Variants in COG5 observed in about 807,000 individuals in gnomAD.
The protein encoded by COG5 is conserved oligomeric Golgi complex subunit 5.
In COG5, 86 loss-of-function variants were observed where a neutral mutation model predicts 110.4. The observed-to-expected ratio is 0.78, with a 90% CI of 0.65 to 0.93. The LOEUF is 0.93. COG5 is among the 40% of genes least tolerant of loss of function. The pLI is 0.00. For synonymous variants in COG5, 360 were observed against 334.6 expected (o/e 1.08, Z -0.83); for missense variants, 1,077 against 987.0 (o/e 1.09, Z -1.22).
At chr7:107,257,819 A>G (rs1802996516) in intron 15 of COG5, among the ~76,000 whole-genome samples, 1 of 152,200 alleles carries the variant, frequency 6.6e-6, no homozygotes, top group African/African-American at 2.4e-5. Flanking sequence ...CAGTGATTAT[A>G]TCATAAAAAT....
At chr7:107,318,408 G>A (rs1449922996) in intron 11 of COG5, among the ~76,000 whole-genome samples, 1 of 152,156 alleles carries the variant, frequency 6.6e-6, no homozygotes, top group Non-Finnish European at 1.5e-5. Flanking sequence ...CTCATTTAAA[G>A]AAAGAAAATA....
At chr7:107,441,430 T>G (rs1443117935) in intron 6 of COG5, among the ~76,000 whole-genome samples, 2 of 152,154 alleles carry the variant, frequency 1.3e-5, no homozygotes, top group Non-Finnish European at 2.9e-5. Context: ...CATTCTTTGT[T>G]TTTGTCGTTT....
chr7:107,213,806 G>A (rs1044854942), intron 19 of COG5, among the ~76,000 whole-genome samples: 8 of 152,170 alleles, frequency 5.3e-5, no homozygotes, highest in African/African-American at 1.9e-4. Flanking sequence ...GGATGGAAGA[G>A]GTGGCTGTCT....
intron 14 of COG5, 50 bp from the exon 15 acceptor site, chr7:107,258,433 CT>C (rs770288939): frequency 1.1e-6 from 1 of 907,072 alleles, no homozygotes; most frequent in African/African-American, 1.6e-5. Context: ...AATTCTCTCT[CT>C]CTCTCTCTCT....
intron 6 of COG5, among the ~76,000 whole-genome samples, chr7:107,465,863 T>C (rs8180747): frequency 0.13 from 19,118 of 152,110 alleles, 1,510 homozygotes; most frequent in Non-Finnish European, 0.17. Flanking sequence ...CTAGTATCAA[T>C]AACAGAGCAC....
chr7:107,311,225 G>A (rs916107630), intron 11 of COG5, among the ~76,000 whole-genome samples: 3 of 152,124 alleles, frequency 2.0e-5, no homozygotes, highest in Non-Finnish European at 2.9e-5. Flanking sequence ...AATTAACAAT[G>A]TGTGAGACTG....
At chr7:107,279,947 T>A (rs1805034312) in intron 14 of COG5, among the ~76,000 whole-genome samples, 1 of 152,094 alleles carries the variant, frequency 6.6e-6, no homozygotes, top group Admixed American at 6.5e-5. Context: ...TTAACTGAAG[T>A]ACATATTACC....
intron 10 of COG5, among the ~76,000 whole-genome samples, chr7:107,340,090 T>C (rs1000927450): frequency 3.3e-5 from 5 of 151,822 alleles, no homozygotes; most frequent in African/African-American, 1.2e-4. Context: ...CAAAAATTGG[T>C]TCTTTGAAAG....
At chr7:107,304,177 C>T (rs538067256) in intron 11 of COG5, among the ~76,000 whole-genome samples, 2 of 152,244 alleles carry the variant, frequency 1.3e-5, no homozygotes, top group South Asian at 4.1e-4. Flanking sequence ...AAAGAACCCC[C>T]ACAGTTTCCA....
At chr7:107,537,124 T>A (rs1379782012) in intron 5 of COG5, among the ~76,000 whole-genome samples, 1 of 152,110 alleles carries the variant, frequency 6.6e-6, no homozygotes, top group Non-Finnish European at 1.5e-5. Context: ...ACACTGTTGG[T>A]GGGAGTGTAA....
chr7:107,446,493 T>C (rs986206488), intron 6 of COG5, among the ~76,000 whole-genome samples: 1 of 152,200 alleles, frequency 6.6e-6, no homozygotes, highest in Admixed American at 6.5e-5. Context: ...TCCTCTGTAA[T>C]GTAATTCATT....
intron 6 of COG5, among the ~76,000 whole-genome samples, chr7:107,508,143 G>A (rs1411426192): frequency 6.6e-6 from 1 of 152,230 alleles, no homozygotes; most frequent in Non-Finnish European, 1.5e-5. Context: ...AGAAAGGGGT[G>A]ACAGAAGGCA....
intron 6 of COG5, among the ~76,000 whole-genome samples, chr7:107,415,901 CGTATGTAT>C (rs775065215): frequency 1.3e-5 from 1 of 77,340 alleles, no homozygotes; most frequent in Non-Finnish European, 3.3e-5. Flanking sequence ...CACACATACA[CGTATGTAT>C]GTATGTGTGT....
chr7:107,367,033 T>C (rs1406675143), intron 8 of COG5, among the ~76,000 whole-genome samples: 1 of 150,892 alleles, frequency 6.6e-6, no homozygotes, highest in East Asian at 1.9e-4. Flanking sequence ...TTTCGGTGTA[T>C]TTTTTTTTAA....
At chr7:107,272,255 G>A (rs1317335587) in intron 14 of COG5, among the ~76,000 whole-genome samples, 1 of 152,166 alleles carries the variant, frequency 6.6e-6, no homozygotes, top group African/African-American at 2.4e-5. Flanking sequence ...ATATCTGATT[G>A]TCTCCTTTGG....
chr7:107,428,841 G>A (rs1793823942), intron 6 of COG5, among the ~76,000 whole-genome samples: 1 of 152,128 alleles, frequency 6.6e-6, no homozygotes, highest in Non-Finnish European at 1.5e-5. Flanking sequence ...ACACTCACTG[G>A]CGTATTACTA....
chr7:107,267,693 A>AT (rs1250409071), intron 14 of COG5, among the ~76,000 whole-genome samples: 1 of 152,176 alleles, frequency 6.6e-6, no homozygotes, highest in African/African-American at 2.4e-5. Context: ...ACTTTGAGGG[A>AT]TACAGAATAA....
chr7:107,429,519 T>C (rs1280346942), intron 6 of COG5, among the ~76,000 whole-genome samples: 3 of 152,010 alleles, frequency 2.0e-5, no homozygotes, highest in Non-Finnish European at 4.4e-5. Flanking sequence ...CTCCAACTCC[T>C]GGAGCTCAAG....
intron 17 of COG5, among the ~76,000 whole-genome samples, chr7:107,246,233 T>C (rs1227132162): frequency 6.6e-6 from 1 of 152,132 alleles, no homozygotes; most frequent in Non-Finnish European, 1.5e-5. Flanking sequence ...ATTAAATACT[T>C]ACATGCAAAA....
Sources: allele counts gnomAD v4.1 joint callset (sites outside exome capture counted in the v4.1 genomes callset), GRCh38; gene constraint gnomAD v4.1.1; transcripts MANE v1.5; gene names NCBI Gene and HGNC (gene_info 2026-07-23, HGNC 2026-07-21).